HIVEP1: variants seen among roughly 807,000 people sequenced by gnomAD.
The protein encoded by HIVEP1 is HIVEP zinc finger 1, also known as zinc finger protein 40.
HIVEP1 carries 36 observed loss-of-function variants against 180.0 expected under a neutral mutation model. That is an observed-to-expected ratio of 0.20 (90% CI 0.15 to 0.26). The LOEUF is 0.26. Ranked by LOEUF, HIVEP1 falls within the 10% of genes least tolerant of loss-of-function variation. HIVEP1 has a pLI of 1.00. For synonymous variants in HIVEP1, 1,239 were observed against 1,239.0 expected (o/e 1.00, Z 0.00); for missense variants, 3,143 against 3,268.7 (o/e 0.96, Z 0.94).
At chr6:12,142,691 G>T (rs1478999813) in intron 7 of HIVEP1, among the ~76,000 whole-genome samples, 2 of 152,132 alleles carry the variant, frequency 1.3e-5, no homozygotes, top group East Asian at 1.9e-4. Flanking sequence ...AATAAAAAAT[G>T]ATAAAGGGGC....
intron 1 of HIVEP1, among the ~76,000 whole-genome samples, chr6:12,013,092 C>T (rs1269250907): frequency 3.3e-5 from 5 of 152,022 alleles, no homozygotes; most frequent in African/African-American, 4.8e-5. Context: ...GAGGGGGCGG[C>T]GGCGGAGCAG....
At chr6:12,210,162 A>C in the HIVEP1 span, among the ~76,000 whole-genome samples, 2 of 152,220 alleles carry the variant, frequency 1.3e-5, no homozygotes, top group Non-Finnish European at 2.9e-5. Flanking sequence ...CTAGTTACCA[A>C]TGATTCAGTC....
intron 2 of HIVEP1, among the ~76,000 whole-genome samples, chr6:12,037,444 A>G (rs142467989): frequency 6.6e-6 from 1 of 152,190 alleles, no homozygotes; most frequent in Non-Finnish European, 1.5e-5. Context: ...CGTTTATTGC[A>G]TTGGTGGCAA....
intron 7 of HIVEP1, among the ~76,000 whole-genome samples, chr6:12,158,322 T>C (rs1446851703): frequency 6.6e-6 from 1 of 152,168 alleles, no homozygotes; most frequent in Non-Finnish European, 1.5e-5. Context: ...GAGAGATTTG[T>C]TGGCAGCTAT....
At chr6:12,042,035 C>G (rs990679822) in intron 2 of HIVEP1, among the ~76,000 whole-genome samples, 1 of 150,510 alleles carries the variant, frequency 6.6e-6, no homozygotes, top group African/African-American at 2.5e-5. Context: ...ATCCTTACAT[C>G]CTTTGTACAT....
intron 7 of HIVEP1, among the ~76,000 whole-genome samples, chr6:12,152,238 T>G (rs1488028372): frequency 6.6e-6 from 1 of 152,244 alleles, no homozygotes; most frequent in Non-Finnish European, 1.5e-5. Context: ...TTAAGTAACA[T>G]GCAGTAGCAA....
intron 2 of HIVEP1, among the ~76,000 whole-genome samples, chr6:12,027,853 C>T (rs187515515): frequency 6.3e-4 from 96 of 152,278 alleles, no homozygotes; most frequent in African/African-American, 2.1e-3. Flanking sequence ...TCTCAGTAGT[C>T]CCTACAACAC....
chr6:12,041,082 G>T (rs1312914562), intron 2 of HIVEP1, among the ~76,000 whole-genome samples: 5 of 152,128 alleles, frequency 3.3e-5, no homozygotes, highest in African/African-American at 9.7e-5. Flanking sequence ...TCTCCTCTGA[G>T]CTGTTGACAG....
intron 2 of HIVEP1, among the ~76,000 whole-genome samples, chr6:12,068,333 G>A (rs1266696740): frequency 2.0e-5 from 3 of 151,994 alleles, no homozygotes; most frequent in East Asian, 1.9e-4. Flanking sequence ...CAGGTGATCC[G>A]CCCACCTTGG....
At chr6:12,177,377 C>T in the HIVEP1 span, among the ~76,000 whole-genome samples, 4 of 152,156 alleles carry the variant, frequency 2.6e-5, no homozygotes, top group Admixed American at 2.6e-4. Flanking sequence ...CCAGCACAGG[C>T]TTTGGAGACT....
intron 2 of HIVEP1, among the ~76,000 whole-genome samples, chr6:12,045,988 G>A (rs906953116): frequency 2.0e-5 from 3 of 152,114 alleles, no homozygotes; most frequent in African/African-American, 7.2e-5. Flanking sequence ...ATGAATGTGA[G>A]TCTGAAAAGA....
chr6:12,185,767 G>A, the HIVEP1 span, among the ~76,000 whole-genome samples: 10 of 152,332 alleles, frequency 6.6e-5, no homozygotes, highest in East Asian at 1.9e-3. Context: ...ACCCATTGGA[G>A]TGGCTGTAAT....
intron 2 of HIVEP1, among the ~76,000 whole-genome samples, chr6:12,060,462 A>G (rs1203331868): frequency 6.6e-6 from 1 of 152,198 alleles, no homozygotes; most frequent in African/African-American, 2.4e-5. Flanking sequence ...AAGTAAAAAT[A>G]TTTTTTAAAA....
intron 2 of HIVEP1, among the ~76,000 whole-genome samples, chr6:12,064,150 A>G (rs1339548345): frequency 6.6e-6 from 1 of 151,990 alleles, no homozygotes; most frequent in East Asian, 1.9e-4. Flanking sequence ...CACCAAATAA[A>G]TTTTTTTTAA....
rs752139266 is a variant in HIVEP1 at position 12,121,675 on chromosome 6, A to C, written c.1880A>C (p.Asp627Ala). The C allele has an allele frequency of 9.3e-6, 15 of 1,614,196 alleles. No individual in the cohort carries two copies. Among genetic ancestry groups the C allele is most frequent in the Middle Eastern group, 1.6e-4 (1 of 6,062 alleles). ...ETNENSHQKG[D>A]MNPLEGKQDS... Reference sequence around the variant, plus strand: ...AATGAGAATTCCCACCAGAAAGGCGACATGAATCCACTGGAAGGAAAGCAA... The same window carrying C: ...AATGAGAATTCCCACCAGAAAGGCGCCATGAATCCACTGGAAGGAAAGCAA... The change falls in exon 4 of 9, where the codon GAC becomes GCC. Residue 627 changes from aspartate to alanine, a missense_variant. Coordinates refer to ENST00000379388, the MANE Select transcript of HIVEP1 (RefSeq NM_002114.4). The surrounding 1 kb of genome is among the most constrained non-coding windows in gnomAD (Gnocchi z 5.3).
intron 2 of HIVEP1, among the ~76,000 whole-genome samples, chr6:12,087,563 G>A (rs1773189641): frequency 6.6e-6 from 1 of 151,978 alleles, no homozygotes; most frequent in Non-Finnish European, 1.5e-5. Context: ...TATGTGATTT[G>A]TTTATTATTT....
At chr6:12,202,938 A>G in the HIVEP1 span, among the ~76,000 whole-genome samples, 1 of 152,236 alleles carries the variant, frequency 6.6e-6, no homozygotes, top group Admixed American at 6.5e-5. Flanking sequence ...TGAAATCCAC[A>G]GTCTGTAATG....
intron 1 of HIVEP1, chr6:12,012,933 C>G (rs1044894020): frequency 6.6e-6 from 1 of 152,414 alleles, no homozygotes; most frequent in African/African-American, 2.4e-5. Context: ...GCTCTAAGTG[C>G]CTGTTTACTC....
intron 7 of HIVEP1, among the ~76,000 whole-genome samples, chr6:12,143,135 A>G (rs939525303): frequency 2.0e-5 from 3 of 152,268 alleles, no homozygotes; most frequent in African/African-American, 7.2e-5. Context: ...GAAAATCCTC[A>G]ATAAAATACT....
Sources: allele counts gnomAD v4.1 joint callset (sites outside exome capture counted in the v4.1 genomes callset), GRCh38; gene constraint gnomAD v4.1.1; non-coding constraint Gnocchi (gnomAD v3.1); transcripts MANE v1.5; gene names NCBI Gene and HGNC (gene_info 2026-07-23, HGNC 2026-07-21).